Variants in OSBPL9 observed in about 807,000 individuals in gnomAD.
OSBPL9 encodes the protein oxysterol-binding protein-related protein 9.
OSBPL9 carries 40 observed loss-of-function variants against 106.6 expected under a neutral mutation model. The observed-to-expected ratio is 0.38, with a 90% CI of 0.29 to 0.49. The LOEUF is 0.49. Among genes scored for constraint, OSBPL9 ranks in the 20% least tolerant of loss-of-function variants. The pLI is 0.97. For synonymous variants in OSBPL9, 269 were observed against 295.4 expected, an observed-to-expected ratio of 0.91 and a Z score of 0.92; for missense variants, 609 against 887.2, an observed-to-expected ratio of 0.69 and a Z score of 3.98.
chr1:51,733,063 C>CT (rs1274511543), intron 4 of OSBPL9, among the ~76,000 whole-genome samples: 2 of 152,208 alleles, frequency 1.3e-5, no homozygotes, highest in African/African-American at 4.8e-5. Context: ...CTGTGTTAAC[C>CT]TTTTCTATGA....
At chr1:51,684,045 C>T (rs888366119) in intron 3 of OSBPL9, among the ~76,000 whole-genome samples, 3 of 151,972 alleles carry the variant, frequency 2.0e-5, no homozygotes, top group African/African-American at 7.3e-5. Context: ...GCTGTGTCAC[C>T]GAGGCTAGAG....
intron 4 of OSBPL9, among the ~76,000 whole-genome samples, chr1:51,744,078 T>A (rs1030748356): frequency 2.0e-5 from 3 of 152,236 alleles, no homozygotes; most frequent in Admixed American, 1.3e-4. Flanking sequence ...TAGACATTTA[T>A]CGCCTTTGAA....
chr1:51,691,481 G>T (rs1654953234), intron 3 of OSBPL9, among the ~76,000 whole-genome samples: 1 of 151,206 alleles, frequency 6.6e-6, no homozygotes. Context: ...GGTTTCACTA[G>T]CCTAATGTAC....
chr1:51,760,897 C>G (rs111806026), intron 10 of OSBPL9, 117 bp downstream of exon 10: 14,791 of 1,140,138 alleles, frequency 0.013, 173 homozygotes, highest in African/African-American at 0.056. Flanking sequence ...TTAATAAAAG[C>G]ACTCAAAAAA....
At chr1:51,581,001 G>A (rs781544509) in intron 1 of OSBPL9, among the ~76,000 whole-genome samples, 1 of 131,276 alleles carries the variant, frequency 7.6e-6, no homozygotes, top group African/African-American at 2.9e-5. Flanking sequence ...CTGGAGTGCA[G>A]TGGCATGACC....
chr1:51,620,028 G>A (rs1362993295), intron 1 of OSBPL9, among the ~76,000 whole-genome samples: 1 of 152,190 alleles, frequency 6.6e-6, no homozygotes, highest in East Asian at 1.9e-4. Context: ...TTGCTTTAGA[G>A]TTGGCTTTAC....
At chr1:51,743,216 G>GT (rs1249695137) in intron 4 of OSBPL9, among the ~76,000 whole-genome samples, 2 of 152,198 alleles carry the variant, frequency 1.3e-5, no homozygotes, top group East Asian at 3.8e-4. Context: ...TAAACCTCCT[G>GT]TTACACATTA....
rs772012426 is a variant in OSBPL9, at chr1:51,746,669, A to G, written c.415-41A>G. The G allele has an allele frequency of 3.8e-5, 55 of 1,450,900 alleles. No individual in the cohort carries two copies. The South Asian group carries it at 5.4e-4, about 14-fold the overall frequency. The allele number at this position is 1,450,900 out of a possible 1,614,324, so 89.9% of individuals were successfully genotyped here. A position where few individuals can be genotyped will look rare whatever the true frequency, so the allele number is the denominator to read the frequency against. On this transcript the variant is annotated intron_variant, in intron 5 of 23. Transcript: ENST00000428468. ...GTTTAGTGAATGTACATCGTATAGT[A>G]AAGTGGCTTGATACTATAACCATTT...
chr1:51,553,669 C>G, the OSBPL9 span, among the ~76,000 whole-genome samples: 3 of 151,996 alleles, frequency 2.0e-5, no homozygotes, highest in African/African-American at 7.3e-5. Flanking sequence ...TAGCAAGATC[C>G]CATCTCTAAA....
At chr1:51,772,315 C>T in intron 13 of OSBPL9, 133 bp downstream of exon 13, 2 of 711,132 alleles carry the variant, frequency 2.8e-6, no homozygotes, top group Non-Finnish European at 4.7e-6. Flanking sequence ...AGTTCAAGAC[C>T]AGCCTGACCA....
At chr1:51,772,526 A>G in intron 13 of OSBPL9, 79 bp from the exon 14 acceptor site, 1 of 1,189,916 alleles carries the variant, frequency 8.4e-7, no homozygotes, top group Non-Finnish European at 1.3e-6. Flanking sequence ...AAACAAACAA[A>G]CAAACAAAAT....
the OSBPL9 span, among the ~76,000 whole-genome samples, chr1:51,543,761 A>G: frequency 2.0e-5 from 3 of 152,210 alleles, no homozygotes; most frequent in African/African-American, 7.2e-5. Flanking sequence ...AAAGCAGAGA[A>G]GAAACTGGAG....
the OSBPL9 span, among the ~76,000 whole-genome samples, chr1:51,537,117 G>A: frequency 1.7e-4 from 26 of 152,014 alleles, no homozygotes; most frequent in Non-Finnish European, 2.8e-4. Flanking sequence ...TTTTTTAGTT[G>A]GCATTCTACT....
chr1:51,694,162 AGAAATTAAAACT>A (rs1183367673), intron 3 of OSBPL9, among the ~76,000 whole-genome samples: 2 of 152,254 alleles, frequency 1.3e-5, no homozygotes, highest in African/African-American at 4.8e-5. Flanking sequence ...TTGCCAGTTT[AGAAATTAAAACT>A]GAGGGATTTT....
At chr1:51,707,376 G>T in intron 3 of OSBPL9, 1 of 179,672 alleles carries the variant, frequency 5.6e-6, no homozygotes, top group East Asian at 1.8e-4. Flanking sequence ...CCTTCTTAAT[G>T]TCATCGTATT....
chr1:51,535,829 A>G, the OSBPL9 span, among the ~76,000 whole-genome samples: 1 of 152,094 alleles, frequency 6.6e-6, no homozygotes, highest in African/African-American at 2.4e-5. Flanking sequence ...TGTCTACCAA[A>G]GTGCTGGGAT....
intron 21 of OSBPL9, 56 bp from the exon 22 acceptor site, chr1:51,786,470 A>T: frequency 1.7e-6 from 2 of 1,193,828 alleles, no homozygotes; most frequent in Non-Finnish European, 2.5e-6. Context: ...CAATGCATCT[A>T]ACATTAGGTT....
chr1:51,608,326 T>C (rs1643962381), intron 2 of OSBPL9, among the ~76,000 whole-genome samples: 2 of 152,168 alleles, frequency 1.3e-5, no homozygotes, highest in South Asian at 4.1e-4. Context: ...GGAGTCTCAC[T>C]CTGTCACCCA....
At chr1:51,588,623 C>A (rs1436461427) in intron 1 of OSBPL9, among the ~76,000 whole-genome samples, 1 of 152,052 alleles carries the variant, frequency 6.6e-6, no homozygotes, top group Non-Finnish European at 1.5e-5. Context: ...TGCACTCCAG[C>A]CTGGGTGACA....
Sources: allele counts gnomAD v4.1 joint callset (sites outside exome capture counted in the v4.1 genomes callset), GRCh38; gene constraint gnomAD v4.1.1; transcripts MANE v1.5; gene names NCBI Gene and HGNC (gene_info 2026-07-23, HGNC 2026-07-21).